Variants in PPP2R2B observed in about 807,000 individuals in gnomAD.
PPP2R2B encodes the protein protein phosphatase 2 regulatory subunit Bbeta.
Under a neutral mutation model 46.0 loss-of-function variants are expected in PPP2R2B, and 5 were observed. The observed-to-expected ratio is 0.11, with a 90% CI of 0.06 to 0.23. PPP2R2B has a LOEUF of 0.23. Among genes scored for constraint, PPP2R2B ranks in the 10% least tolerant of loss-of-function variants. The pLI is 1.00. For synonymous variants in PPP2R2B, 215 were observed against 206.7 expected (o/e 1.04, Z -0.34); for missense variants, 367 against 575.0 (o/e 0.64, Z 3.70).
chr5:147,022,483 G>A (rs537247535), intron 1 of PPP2R2B, among the ~76,000 whole-genome samples: 2 of 151,664 alleles, frequency 1.3e-5, no homozygotes, highest in African/African-American at 2.4e-5. Context: ...TCGCTTGAAC[G>A]TAGGAAGTGG....
chr5:147,049,028 G>T (rs372837306), intron 1 of PPP2R2B, among the ~76,000 whole-genome samples: 2 of 151,784 alleles, frequency 1.3e-5, no homozygotes, highest in Non-Finnish European at 2.9e-5. Context: ...AAATAAATAG[G>T]GTAAAACTAG....
chr5:146,924,869 T>C (rs1464488681), intron 1 of PPP2R2B, among the ~76,000 whole-genome samples: 1 of 152,148 alleles, frequency 6.6e-6, no homozygotes, highest in Non-Finnish European at 1.5e-5. Context: ...GGACATCAAC[T>C]CATCCTTTTT....
At chr5:146,669,784 G>T (rs1777227997) in intron 5 of PPP2R2B, among the ~76,000 whole-genome samples, 1 of 152,156 alleles carries the variant, frequency 6.6e-6, no homozygotes. Flanking sequence ...GAGGTTAAAT[G>T]ACATAATAAG....
chr5:146,775,548 G>C (rs909715035), intron 2 of PPP2R2B, among the ~76,000 whole-genome samples: 2 of 151,992 alleles, frequency 1.3e-5, no homozygotes, highest in Non-Finnish European at 2.9e-5. Context: ...AAAGATGTCT[G>C]CTTTTATCAC....
chr5:146,633,743 C>T (rs1450274018), intron 7 of PPP2R2B, among the ~76,000 whole-genome samples: 1 of 152,184 alleles, frequency 6.6e-6, no homozygotes, highest in Non-Finnish European at 1.5e-5. Flanking sequence ...CTGTGTGGGG[C>T]TGAGGCTGGA....
chr5:146,909,241 A>G (rs947278700), intron 1 of PPP2R2B, among the ~76,000 whole-genome samples: 5 of 152,138 alleles, frequency 3.3e-5, no homozygotes, highest in African/African-American at 1.2e-4. Context: ...AGACCATGAC[A>G]TTCCCCCACA....
intron 2 of PPP2R2B, among the ~76,000 whole-genome samples, chr5:146,745,416 A>G (rs2151227131): frequency 6.6e-6 from 1 of 152,360 alleles, no homozygotes; most frequent in East Asian, 1.9e-4. Context: ...CAGGGTTGTT[A>G]TGGAAGATCT....
chr5:146,951,539 T>A (rs1347510803), intron 1 of PPP2R2B, among the ~76,000 whole-genome samples: 1 of 151,888 alleles, frequency 6.6e-6, no homozygotes, highest in Non-Finnish European at 1.5e-5. Context: ...TAGGCCCCAG[T>A]GTGTTTTTCT....
intron 2 of PPP2R2B, among the ~76,000 whole-genome samples, chr5:146,816,982 T>G (rs1158627139): frequency 6.6e-6 from 1 of 152,232 alleles, no homozygotes; most frequent in Non-Finnish European, 1.5e-5. Context: ...GGCAGCTGCA[T>G]GACTTTTTGA....
At chr5:146,808,988 T>C (rs1757361139) in intron 2 of PPP2R2B, among the ~76,000 whole-genome samples, 3 of 150,644 alleles carry the variant, frequency 2.0e-5, no homozygotes, top group East Asian at 2.0e-4. Context: ...TGTGTGTGTG[T>C]GTGTGTGCGC....
chr5:146,711,475 A>G (rs187411792), intron 2 of PPP2R2B, among the ~76,000 whole-genome samples: 1 of 152,350 alleles, frequency 6.6e-6, no homozygotes, highest in Admixed American at 6.5e-5. Flanking sequence ...AGAATGAGAT[A>G]CATTGCTCAA....
chr5:147,018,039 G>GCA (rs757444469), intron 1 of PPP2R2B, among the ~76,000 whole-genome samples: 3 of 64,894 alleles, frequency 4.6e-5, no homozygotes, highest in East Asian at 3.4e-4. Flanking sequence ...ACATGCATGC[G>GCA]CGCGCACACA....
At chr5:146,689,548 T>C (rs1778709681) in intron 5 of PPP2R2B, among the ~76,000 whole-genome samples, 1 of 152,204 alleles carries the variant, frequency 6.6e-6, no homozygotes. Flanking sequence ...ATAAGTATAC[T>C]CTATGATGTT....
intron 7 of PPP2R2B, among the ~76,000 whole-genome samples, chr5:146,618,266 T>G (rs7719903): frequency 0.1 from 15,468 of 152,096 alleles, 1,352 homozygotes; most frequent in East Asian, 0.24. Context: ...GTCACCGCTG[T>G]CTTTGAAGAT....
chr5:146,739,387 G>C (rs1387780891), intron 2 of PPP2R2B, among the ~76,000 whole-genome samples: 3 of 152,170 alleles, frequency 2.0e-5, no homozygotes, highest in African/African-American at 7.2e-5. Context: ...TCCAAACCCA[G>C]TGTTAAAAGA....
chr5:146,810,456 C>T (rs1757458983), intron 2 of PPP2R2B, among the ~76,000 whole-genome samples: 1 of 152,124 alleles, frequency 6.6e-6, no homozygotes, highest in Non-Finnish European at 1.5e-5. Context: ...GGGTCCATCT[C>T]ACAACAGGAG....
intron 5 of PPP2R2B, among the ~76,000 whole-genome samples, chr5:146,680,557 A>T (rs379679): frequency 0.08 from 12,075 of 151,776 alleles, 1,271 homozygotes; most frequent in African/African-American, 0.24. Flanking sequence ...ATAATAATAA[A>T]AAAAACCACA....
chr5:146,697,101 C>T (rs761334888), intron 4 of PPP2R2B, among the ~76,000 whole-genome samples: 2 of 152,092 alleles, frequency 1.3e-5, no homozygotes, highest in Admixed American at 6.5e-5. Flanking sequence ...TCTTGCTTCT[C>T]GATTTAAATT....
chr5:146,644,132 G>C (rs1323344926), intron 6 of PPP2R2B, among the ~76,000 whole-genome samples: 1 of 147,830 alleles, frequency 6.8e-6, no homozygotes, highest in East Asian at 2.1e-4. Flanking sequence ...AAAATAACTT[G>C]TATTCATGTA....
Sources: gnomAD v4.1 joint callset for allele counts (sites outside exome capture counted in the v4.1 genomes callset) on GRCh38, gnomAD v4.1.1 for gene constraint, MANE v1.5 for transcripts, NCBI Gene and HGNC (gene_info 2026-07-23, HGNC 2026-07-21) for gene names.